The following UBR4 variants were observed in gnomAD, a reference collection of about 807,000 sequenced individuals.
UBR4 encodes E3 ubiquitin-protein ligase UBR4.
A neutral mutation model predicts 575.6 loss-of-function variants in UBR4; 124 were observed. That is an observed-to-expected ratio of 0.22 (90% CI 0.19 to 0.25). UBR4 has a LOEUF of 0.25. Ranked by LOEUF, UBR4 falls within the 10% of genes least tolerant of loss-of-function variation. UBR4 has a pLI of 1.00. For missense variants in UBR4, 4,818 were observed against 6,478.8 expected (o/e 0.74, Z 8.80); for synonymous variants, 2,455 against 2,473.7 (o/e 0.99, Z 0.22).
chr1:19,102,177 G>T (rs2078699040), intron 87 of UBR4, among the ~76,000 whole-genome samples: 1 of 152,142 alleles, frequency 6.6e-6, no homozygotes, highest in Middle Eastern at 3.2e-3. Flanking sequence ...ACCAGGCTAG[G>T]CAATGTGGCG....
At chr1:19,105,223 G>C (rs372085422) in intron 84 of UBR4, 34 bp from the exon 85 acceptor site, 2 of 1,596,652 alleles carry the variant, frequency 1.3e-6, no homozygotes, top group East Asian at 2.2e-5. Flanking sequence ...CTCTAGTCAA[G>C]AACTCTAGCA....
At position 19,152,492 on chromosome 1, in the gene UBR4, C is replaced by T. The variant is rs1310932129; in HGVS notation, c.6833-16G>A. ...GTGCGGGTTGCTGCAGAGAACGGTA[C>T]CAGATCGTCAAGAGTCTCTCCCACC... On this transcript the variant is annotated splice_polypyrimidine_tract_variant and intron_variant, in intron 46 of 105. Coordinates refer to ENST00000375254, the MANE Select transcript of UBR4 (RefSeq NM_020765.3). The surrounding 1 kb of genome is among the most constrained non-coding windows in gnomAD (Gnocchi z 4.4). 1.2e-6 allele frequency: 2 copies of T among 1,613,272 alleles called. No homozygotes were observed. The highest frequency in any genetic ancestry group is 1.7e-6 in the Non-Finnish European group (2 of 1,179,712).
intron 1 of UBR4, among the ~76,000 whole-genome samples, chr1:19,208,376 A>AGAATGGTGT (rs2093117178): frequency 6.8e-6 from 1 of 147,876 alleles, no homozygotes; most frequent in Admixed American, 6.9e-5. Flanking sequence ...CTGAGGCAGG[A>AGAATGGTGT]GAATGGTGTG....
chr1:19,120,368 C>A lies in UBR4; in HGVS notation c.10142-20G>T. 6 of 1,612,250 alleles carry A rather than the reference C, an allele frequency of 3.7e-6. No individual in the cohort carries two copies. The South Asian group carries it at 6.6e-5, about 18-fold the overall frequency. On this transcript the variant is annotated intron_variant, in intron 68 of 105. Coordinates refer to ENST00000375254, the MANE Select transcript of UBR4 (RefSeq NM_020765.3). Reference sequence around the variant, plus strand: ...TCTCACCTGCAAGATTAGGACAGGACTAAGGGCTGAAGAGTAGGAAGAAGT... The same window carrying A: ...TCTCACCTGCAAGATTAGGACAGGAATAAGGGCTGAAGAGTAGGAAGAAGT...
chr1:19,161,462 G>A (rs558563340), intron 37 of UBR4, 127 bp downstream of exon 37: 32 of 1,294,140 alleles, frequency 2.5e-5, no homozygotes, highest in African/African-American at 1.5e-4. Flanking sequence ...GCAGATCATC[G>A]ATGAGTGAGC....
intron 63 of UBR4, among the ~76,000 whole-genome samples, chr1:19,127,310 A>G (rs2081927235): frequency 6.6e-6 from 1 of 152,152 alleles, no homozygotes; most frequent in South Asian, 2.1e-4. Context: ...ACCATACCTT[A>G]TAGCAACATA....
chr1:19,178,062 A>G (rs2090466923), intron 18 of UBR4, among the ~76,000 whole-genome samples: 1 of 152,106 alleles, frequency 6.6e-6, no homozygotes, highest in African/African-American at 2.4e-5. Context: ...AAAGTACTAC[A>G]AGCTCCCCCA....
intron 7 of UBR4, 148 bp from the exon 8 acceptor site, chr1:19,197,413 G>C (rs1000937384): frequency 1.3e-5 from 16 of 1,236,574 alleles, no homozygotes; most frequent in Admixed American, 2.5e-5. Flanking sequence ...AGGATTGCTT[G>C]AGCCCAGGAG....
chr1:19,170,054 G>A (rs1057260903), intron 26 of UBR4, among the ~76,000 whole-genome samples: 4 of 152,098 alleles, frequency 2.6e-5, no homozygotes, highest in African/African-American at 7.2e-5. Context: ...AATTTTAAAC[G>A]GTAACTACTG....
intron 8 of UBR4, among the ~76,000 whole-genome samples, chr1:19,195,790 C>T (rs1030318118): frequency 1.3e-5 from 2 of 152,136 alleles, no homozygotes; most frequent in African/African-American, 4.8e-5. Context: ...TTGTACAGTA[C>T]AGCCTGAATG....
rs766541730 is a variant in UBR4 at position 19,110,732 on chromosome 1, G to A, written c.11892+10C>T. 1.9e-6 allele frequency: 3 copies of A among 1,613,914 alleles called. No individual in the cohort carries two copies. The highest frequency in any genetic ancestry group is 2.5e-6 in the Non-Finnish European group (3 of 1,179,942). The stretch of plus-strand genomic sequence containing the variant: ...CAGAGAGGACAGCTGGGCCTGCTAG[G>A]CCGGCTCACCAGATCGGGGTTGGCC... On this transcript the variant is annotated intron_variant, in intron 79 of 105. Transcript: ENST00000375254. The surrounding 1 kb of genome is among the most constrained non-coding windows in gnomAD (Gnocchi z 4.5).
At position 19,176,609 on chromosome 1, in the gene UBR4, G is replaced by C; in HGVS notation, c.2756C>G (p.Ser919Cys). 2 of 1,613,840 alleles carry C rather than the reference G, an allele frequency of 1.2e-6. No homozygotes were observed. Among genetic ancestry groups the C allele is most frequent in the East Asian group, 2.2e-5 (1 of 44,882 alleles). ...HGFKEVEENW[S>C]KHFSSDAVPH... ...TTTCTGACCTGATGAGAAATGCTTA[G>C]ACCAGTTTTCTTCTACTTCTTTGAA... Residue 919 changes from serine (S) to cysteine (C), a missense_variant, in exon 20 of 106, where the codon TCT becomes TGT. Physicochemically the swap from Ser to Cys is moderately radical, Grantham distance 112. This residue lies in a region of UBR4 where 1,172 missense variants were observed against 1,259.7 expected (regional missense o/e 0.93). Transcript: ENST00000375254.
intron 38 of UBR4, 40 bp downstream of exon 38, chr1:19,160,877 G>T: frequency 6.3e-7 from 1 of 1,597,270 alleles, no homozygotes; most frequent in South Asian, 1.1e-5. Context: ...AACAGGCTCT[G>T]AACTCTGTCT....
chr1:19,198,772 G>T, intron 4 of UBR4, 27 bp downstream of exon 4: 1 of 1,614,024 alleles, frequency 6.2e-7, no homozygotes, highest in Non-Finnish European at 8.5e-7. Flanking sequence ...GTGGTCATGT[G>T]ATCAGATCTG....
chr1:19,192,411 T>C, intron 10 of UBR4, 33 bp from the exon 11 acceptor site: 1 of 1,614,040 alleles, frequency 6.2e-7, no homozygotes, highest in Non-Finnish European at 8.5e-7. Flanking sequence ...AAAAACATAA[T>C]CATAGAGATA....
chr1:19,095,196 G>A (rs2148921382), intron 93 of UBR4, among the ~76,000 whole-genome samples, 171 bp from the exon 94 acceptor site: 1 of 152,366 alleles, frequency 6.6e-6, no homozygotes, highest in South Asian at 2.1e-4. Context: ...AGACAAGCGT[G>A]TGAGCTTTTG....
At chr1:19,155,937 C>A (rs1409563290) in intron 42 of UBR4, among the ~76,000 whole-genome samples, 4 of 152,158 alleles carry the variant, frequency 2.6e-5, no homozygotes, top group Non-Finnish European at 5.9e-5. Context: ...AGGGTAGAAC[C>A]AGAATCAATT....
intron 41 of UBR4, 129 bp from the exon 42 acceptor site, chr1:19,156,552 G>GTAAC (rs1212424882): frequency 3.1e-6 from 4 of 1,275,380 alleles, no homozygotes; most frequent in Non-Finnish European, 4.3e-6. Context: ...AGACTGTCTA[G>GTAAC]TAACATTCAG....
At chr1:19,115,868 T>C (rs950572117) in intron 73 of UBR4, among the ~76,000 whole-genome samples, 1 of 152,232 alleles carries the variant, frequency 6.6e-6, no homozygotes, top group African/African-American at 2.4e-5. Flanking sequence ...TTATACATGA[T>C]ACCTTTTGAA....
Sources: allele counts gnomAD v4.1 joint callset (sites outside exome capture counted in the v4.1 genomes callset), GRCh38; gene constraint gnomAD v4.1.1; regional missense constraint gnomAD v4.1.1; non-coding constraint Gnocchi (gnomAD v3.1); transcripts MANE v1.5; gene names NCBI Gene and HGNC (gene_info 2026-07-23, HGNC 2026-07-21).